The following COL14A1 variants were observed in gnomAD, a reference collection of about 807,000 sequenced individuals.
The protein encoded by COL14A1 is collagen type XIV alpha 1 chain, also known as collagen alpha-1(XIV) chain.
COL14A1 carries 136 observed loss-of-function variants against 230.3 expected under a neutral mutation model. That is an observed-to-expected ratio of 0.59 (90% CI 0.51 to 0.68). COL14A1 has a LOEUF of 0.68. Among genes scored for constraint, COL14A1 ranks in the 30% least tolerant of loss-of-function variants. The probability of loss-of-function intolerance (pLI) is 0.00; values close to 1 mark genes in which losing one functional copy is unlikely to be tolerated. For synonymous variants in COL14A1, 792 were observed against 784.1 expected (o/e 1.01, Z -0.17); for missense variants, 1,976 against 2,215.8 (o/e 0.89, Z 2.17).
At chr8:120,132,471 A>G (rs1352878060) in intron 1 of COL14A1, among the ~76,000 whole-genome samples, 3 of 151,492 alleles carry the variant, frequency 2.0e-5, no homozygotes, top group Non-Finnish European at 4.4e-5. Flanking sequence ...CTTGTAGTAG[A>G]GTTTGAAGTT....
At position 120,297,535 on chromosome 8, in the gene COL14A1, G is replaced by A; in HGVS notation, c.4261G>A (p.Val1421Ile). 6.8e-7 allele frequency: 1 copy of A among 1,462,326 alleles called. No individual in the cohort carries two copies. The highest frequency in any genetic ancestry group is 9.0e-7 in the Non-Finnish European group (1 of 1,109,058). The allele number at this position is 1,462,326 out of a possible 1,614,324, so 90.6% of individuals were successfully genotyped here. ...APFQLQMFDI[V>I]CSTSWANTDK... The stretch of plus-strand genomic sequence containing the variant: ...GTTCCAGTTACAGATGTTTGATATT[G>A]TTTGCTCCACATCATGGGCCAATAC... The change falls in exon 35 of 48, where the codon GTT becomes ATT. Residue 1421 changes from valine (V) to isoleucine (I), a missense_variant. Val to Ile is a conservative substitution (Grantham distance 29, BLOSUM62 3). This residue lies in a region of COL14A1 where 1,791 missense variants were observed against 2,019.5 expected (regional missense o/e 0.89). Coordinates refer to ENST00000297848, the MANE Select transcript of COL14A1 (RefSeq NM_021110.4).
intron 5 of COL14A1, among the ~76,000 whole-genome samples, chr8:120,170,076 G>C (rs758040338): frequency 6.6e-6 from 1 of 151,886 alleles, no homozygotes; most frequent in Non-Finnish European, 1.5e-5. Context: ...CTTTGCTTAT[G>C]TCTCCTTCTG....
intron 18 of COL14A1, among the ~76,000 whole-genome samples, chr8:120,229,104 AT>A (rs1563684611): frequency 7.0e-6 from 1 of 143,212 alleles, no homozygotes; most frequent in African/African-American, 2.6e-5. Flanking sequence ...ATTTTATTTT[AT>A]TTTATTTTAT....
At chr8:120,260,141 G>C (rs2129747601) in intron 23 of COL14A1, among the ~76,000 whole-genome samples, 1 of 151,884 alleles carries the variant, frequency 6.6e-6, no homozygotes, top group South Asian at 2.1e-4. Flanking sequence ...GTTCCCTTCT[G>C]AAACTAATAT....
intron 45 of COL14A1, among the ~76,000 whole-genome samples, chr8:120,359,440 A>G (rs1823114198): frequency 6.6e-6 from 1 of 152,150 alleles, no homozygotes; most frequent in African/African-American, 2.4e-5. Flanking sequence ...CCAACAGTGG[A>G]GAGCATCATA....
chr8:120,289,789 C>G lies in COL14A1; in HGVS notation c.4236+23C>G, dbSNP rs538558718. On this transcript the variant is annotated intron_variant, in intron 34 of 47. Transcript: ENST00000297848. ...CCGGTAAGTGAATAAACCCGTGAAG[C>G]TGTGTTATTGTTAAGGGAGAGAAAT... The G allele has an allele frequency of 1.7e-5, 27 of 1,601,834 alleles. 1 individual carries two copies. In the South Asian group the frequency reaches 3.0e-4, roughly 18 times the overall value.
rs748740146 is a variant in COL14A1 at position 120,308,530 on chromosome 8, C to T, written c.4402-1479C>T. Among the ~76,000 whole-genome samples, 3 of 152,148 alleles carry T rather than the reference C, an allele frequency of 2.0e-5. 1 individual carries two copies. Among genetic ancestry groups the T allele is most frequent in the South Asian group, 4.1e-4 (2 of 4,824 alleles). ...CACAGCAAATAATACAGTAATACCA[C>T]GGGCAGTATTTTGTATAGATATAGA... On this transcript the variant is annotated intron_variant, in intron 36 of 47. Transcript: ENST00000297848.
chr8:120,209,960 A>T, intron 12 of COL14A1, 59 bp downstream of exon 12: 1 of 1,251,164 alleles, frequency 8.0e-7, no homozygotes, highest in Non-Finnish European at 1.0e-6. Flanking sequence ...ATAAAATAAA[A>T]TTTTTATTGT....
chr8:120,212,466 C>G lies in COL14A1; in HGVS notation c.1486C>G (p.His496Asp). The part of the protein sequence containing the change: ...DEKEMKIGET[H>D]TDIELSGLLP... Reference sequence around the variant, plus strand: ...TTTTCAGATGAAAATTGGAGAGACCCACACAGATATTGAATTGAGTGGGTT... The same window carrying G: ...TTTTCAGATGAAAATTGGAGAGACCGACACAGATATTGAATTGAGTGGGTT... The change falls in exon 13 of 48, where the codon CAC (histidine) becomes GAC (aspartate). Residue 496 changes from histidine to aspartate, a missense_variant. Around this residue, in one of 3 missense-constraint regions of COL14A1, gnomAD observed 1,791 missense variants for 2,019.5 expected, o/e 0.89. Coordinates refer to ENST00000297848, the MANE Select transcript of COL14A1 (RefSeq NM_021110.4). 1 of 1,613,254 alleles carries G rather than the reference C, an allele frequency of 6.2e-7. No individual in the cohort carries two copies. Among genetic ancestry groups the G allele is most frequent in the Non-Finnish European group, 8.5e-7 (1 of 1,179,494 alleles).
intron 5 of COL14A1, among the ~76,000 whole-genome samples, chr8:120,175,280 C>T (rs1182937389): frequency 2.0e-5 from 3 of 152,162 alleles, no homozygotes; most frequent in African/African-American, 2.4e-5. Flanking sequence ...ATTTCTCTAT[C>T]GTTGTCCAAA....
At chr8:120,178,966 T>C (rs1816376681) in intron 5 of COL14A1, among the ~76,000 whole-genome samples, 1 of 152,194 alleles carries the variant, frequency 6.6e-6, no homozygotes, top group Non-Finnish European at 1.5e-5. Flanking sequence ...TTCTGGACAT[T>C]AGCCCTTTGT....
intron 18 of COL14A1, among the ~76,000 whole-genome samples, chr8:120,229,091 T>TTTATTTTA (rs1434953243): frequency 2.7e-5 from 4 of 147,178 alleles, no homozygotes; most frequent in Non-Finnish European, 6.0e-5. Flanking sequence ...TTTTTTTCTT[T>TTTATTTTA]TTATTTTATT....
chr8:120,326,960 A>G (rs982892494), intron 40 of COL14A1, among the ~76,000 whole-genome samples: 3 of 152,136 alleles, frequency 2.0e-5, no homozygotes, highest in Non-Finnish European at 4.4e-5. Flanking sequence ...TGGGAGGCGG[A>G]GGTTGCCATG....
intron 1 of COL14A1, among the ~76,000 whole-genome samples, chr8:120,133,716 G>A (rs1468679571): frequency 6.6e-6 from 1 of 152,130 alleles, no homozygotes; most frequent in Admixed American, 6.5e-5. Context: ...TGCCAAAGAA[G>A]CATTGCTATT....
In COL14A1 at chr8:120,203,864, A is replaced by C. The variant is rs772077928; in HGVS notation, c.1033A>C (p.Ile345Leu). Reference sequence around the variant, plus strand: ...TAGAGTGGAAGAACAGGACAGAGAAATTAAAGGTAAAATGAGTGACAGAGC... The same window carrying C: ...TAGAGTGGAAGAACAGGACAGAGAACTTAAAGGTAAAATGAGTGACAGAGC... ...CSRVEEQDRE[I>L]KASAHAITGP... Residue 345 changes from isoleucine (I) to leucine (L), a missense_variant, in exon 9 of 48, where the codon ATT becomes CTT. Ile to Leu is a conservative substitution (Grantham distance 5, BLOSUM62 2). Around this residue, in one of 3 missense-constraint regions of COL14A1, gnomAD observed 1,791 missense variants for 2,019.5 expected, o/e 0.89. Coordinates refer to ENST00000297848, the MANE Select transcript of COL14A1 (RefSeq NM_021110.4). 4 of 1,613,308 alleles carry C rather than the reference A, an allele frequency of 2.5e-6. No individual in the cohort carries two copies. The highest frequency in any genetic ancestry group is 3.4e-6 in the Non-Finnish European group (4 of 1,179,538).
At chr8:120,133,194 C>T (rs1043861695) in intron 1 of COL14A1, among the ~76,000 whole-genome samples, 9 of 144,480 alleles carry the variant, frequency 6.2e-5, no homozygotes, top group South Asian at 2.2e-4. Context: ...CCAGCCTGGG[C>T]GACAGAGCGA....
chr8:120,321,228 C>G (rs926623640), intron 40 of COL14A1, among the ~76,000 whole-genome samples: 14 of 152,266 alleles, frequency 9.2e-5, no homozygotes, highest in African/African-American at 3.4e-4. Context: ...GATGCTTCAC[C>G]CATAAAAATA....
intron 24 of COL14A1, among the ~76,000 whole-genome samples, chr8:120,264,340 C>A (rs1409209818): frequency 6.6e-6 from 1 of 152,096 alleles, no homozygotes; most frequent in Non-Finnish European, 1.5e-5. Context: ...GATTGTAAAT[C>A]ATATAGTTTT....
intron 37 of COL14A1, among the ~76,000 whole-genome samples, chr8:120,311,489 T>C (rs539109821): frequency 6.6e-6 from 1 of 152,184 alleles, no homozygotes; most frequent in African/African-American, 2.4e-5. Flanking sequence ...GCTACTGATA[T>C]GGTTATTTCT....
Sources: gnomAD v4.1 joint callset for allele counts (sites outside exome capture counted in the v4.1 genomes callset) on GRCh38, gnomAD v4.1.1 for gene constraint, gnomAD v4.1.1 regional missense constraint, MANE v1.5 for transcripts, NCBI Gene and HGNC (gene_info 2026-07-23, HGNC 2026-07-21) for gene names.